The following COL22A1 variants were observed in gnomAD, a reference collection of about 807,000 sequenced individuals.
COL22A1 encodes the protein collagen type XXII alpha 1 chain.
COL22A1 carries 221 observed loss-of-function variants against 248.9 expected under a neutral mutation model. That is an observed-to-expected ratio of 0.89 (90% CI 0.80 to 0.99). COL22A1 has a LOEUF of 0.99. Ranked by LOEUF, COL22A1 falls within the 50% of genes least tolerant of loss-of-function variation. The pLI, the probability that COL22A1 is intolerant of heterozygous loss-of-function variation, is 0.00. For missense variants in COL22A1, 2,240 were observed against 2,179.0 expected (o/e 1.03, Z -0.56); for synonymous variants, 891 against 793.4 (o/e 1.12, Z -2.07).
intron 16 of COL22A1, 92 bp from the exon 17 acceptor site, chr8:138,762,558 G>A (rs1586678229): frequency 8.0e-7 from 1 of 1,251,908 alleles, no homozygotes; most frequent in African/African-American, 1.5e-5. Context: ...CATGGACAAG[G>A]AGGGTGGGGA....
At chr8:138,727,910 C>G (rs1830442545) in intron 23 of COL22A1, among the ~76,000 whole-genome samples, 1 of 152,170 alleles carries the variant, frequency 6.6e-6, no homozygotes, top group South Asian at 2.1e-4. Flanking sequence ...GTGGGCTGAG[C>G]CTTACTACCT....
At chr8:138,611,188 G>C (rs1818833755) in intron 56 of COL22A1, among the ~76,000 whole-genome samples, 1 of 152,352 alleles carries the variant, frequency 6.6e-6, no homozygotes, top group East Asian at 1.9e-4. Flanking sequence ...GGCCCCTCTT[G>C]CCTCCAGAAA....
At chr8:138,890,140 T>C (rs1824948042) in intron 1 of COL22A1, among the ~76,000 whole-genome samples, 3 of 152,150 alleles carry the variant, frequency 2.0e-5, no homozygotes, top group South Asian at 4.1e-4. Flanking sequence ...AGAAAATACA[T>C]AGTGAATCCA....
chr8:138,898,002 T>C (rs1219372637), intron 1 of COL22A1, among the ~76,000 whole-genome samples: 4 of 152,122 alleles, frequency 2.6e-5, no homozygotes, highest in Non-Finnish European at 4.4e-5. Context: ...TCTCATGGTG[T>C]CCTCAGATGG....
At chr8:138,805,963 T>C (rs1817572122) in intron 10 of COL22A1, among the ~76,000 whole-genome samples, 1 of 134,122 alleles carries the variant, frequency 7.5e-6, no homozygotes, top group Admixed American at 8.1e-5. Context: ...ATGGTGTGTA[T>C]GTGTGATAGT....
chr8:138,599,990 G>GGT (rs1227931496), intron 60 of COL22A1, among the ~76,000 whole-genome samples: 2 of 152,164 alleles, frequency 1.3e-5, no homozygotes, highest in Non-Finnish European at 2.9e-5. Context: ...TCTCAACAGA[G>GGT]GTGTCTCCCT....
chr8:138,873,182 C>T (rs996838991), intron 3 of COL22A1, among the ~76,000 whole-genome samples: 7 of 152,168 alleles, frequency 4.6e-5, no homozygotes, highest in African/African-American at 1.7e-4. Flanking sequence ...TGCCTCTGTG[C>T]CATCAACCAT....
In COL22A1 at chr8:138,700,153, G is replaced by A; in HGVS notation, c.2560-9C>T. The A allele has an allele frequency of 6.2e-7, 1 of 1,613,178 alleles. No homozygotes were observed. The highest frequency in any genetic ancestry group is 8.5e-7 in the Non-Finnish European group (1 of 1,179,682). On this transcript the variant is annotated splice_polypyrimidine_tract_variant and intron_variant, in intron 31 of 64. Transcript: ENST00000303045. ...GGTGTGAACAGGGATGTCTGAAAAG[G>A]AAACCACAGAGATTAGAAAGATGGG... is the stretch of plus-strand genomic sequence containing the variant.
intron 15 of COL22A1, 81 bp downstream of exon 15, chr8:138,778,272 G>C: frequency 2.0e-5 from 30 of 1,486,588 alleles, no homozygotes; most frequent in South Asian, 3.4e-5. Context: ...TCTAGATGCA[G>C]GTGGAGGAAC....
intron 28 of COL22A1, 76 bp from the exon 29 acceptor site, chr8:138,716,365 A>C: frequency 1.0e-6 from 1 of 992,980 alleles, no homozygotes; most frequent in Non-Finnish European, 1.5e-6. Context: ...ATGTGCTCTC[A>C]GTTCCTGCTC....
intron 6 of COL22A1, among the ~76,000 whole-genome samples, chr8:138,823,335 A>T (rs1321781499): frequency 2.6e-5 from 4 of 152,240 alleles, no homozygotes; most frequent in African/African-American, 4.8e-5. Flanking sequence ...GCATCACAGC[A>T]GTGAAACCTT....
At chr8:138,596,712 A>T (rs1003435728) in intron 62 of COL22A1, among the ~76,000 whole-genome samples, 192 bp downstream of exon 62, 1 of 152,224 alleles carries the variant, frequency 6.6e-6, no homozygotes, top group African/African-American at 2.4e-5. Flanking sequence ...CTGAAGGACT[A>T]GTCCTAGAGA....
At chr8:138,643,064 G>C (rs538674343) in intron 47 of COL22A1, among the ~76,000 whole-genome samples, 1 of 150,792 alleles carries the variant, frequency 6.6e-6, no homozygotes, top group African/African-American at 2.4e-5. Flanking sequence ...CCCCTCAGCA[G>C]AGGCTAAGCC....
In COL22A1 at chr8:138,716,888, A is replaced by G. The variant is rs1413715779; in HGVS notation, c.2356-19T>C. ...TTTCTCCCTGAAAATGCAATAAAAC[A>G]TACCCCATTATTCTCCATTCACTTT... On this transcript the variant is annotated intron_variant, in intron 27 of 64. Coordinates refer to ENST00000303045, the MANE Select transcript of COL22A1 (RefSeq NM_152888.3). 2 of 1,592,492 alleles carry G rather than the reference A, an allele frequency of 1.3e-6. No individual in the cohort carries two copies. The highest frequency in any genetic ancestry group is 8.6e-7 in the Non-Finnish European group (1 of 1,160,292).
intron 56 of COL22A1, among the ~76,000 whole-genome samples, chr8:138,608,740 C>G (rs950253824): frequency 5.3e-5 from 8 of 152,240 alleles, no homozygotes; most frequent in African/African-American, 1.9e-4. Context: ...CAAAAATTCA[C>G]AGCTTCAATT....
At chr8:138,593,290 C>T (rs1280251498) in intron 63 of COL22A1, among the ~76,000 whole-genome samples, 5 of 151,816 alleles carry the variant, frequency 3.3e-5, no homozygotes, top group South Asian at 2.1e-4. Context: ...ACCTAGATGA[C>T]GGTTTGATAG....
intron 3 of COL22A1, among the ~76,000 whole-genome samples, chr8:138,858,699 CCCCGGG>C (rs1165533231): frequency 1.3e-5 from 2 of 152,158 alleles, no homozygotes; most frequent in Admixed American, 6.5e-5. Flanking sequence ...CAGTGCTCGA[CCCCGGG>C]TGAGAGGGTT....
intron 47 of COL22A1, among the ~76,000 whole-genome samples, chr8:138,642,412 G>A (rs1821793936): frequency 6.6e-6 from 1 of 152,134 alleles, no homozygotes; most frequent in South Asian, 2.1e-4. Context: ...CAACTGCCTG[G>A]GGCTCATCAT....
At chr8:138,756,792 A>T (rs1246766872) in intron 18 of COL22A1, among the ~76,000 whole-genome samples, 1 of 152,090 alleles carries the variant, frequency 6.6e-6, no homozygotes, top group Non-Finnish European at 1.5e-5. Flanking sequence ...ACCAAAATGG[A>T]TACATTTACA....
Sources: gnomAD v4.1 joint callset for allele counts (sites outside exome capture counted in the v4.1 genomes callset) on GRCh38, gnomAD v4.1.1 for gene constraint, MANE v1.5 for transcripts, NCBI Gene and HGNC (gene_info 2026-07-23, HGNC 2026-07-21) for gene names.